Variants in GLIS1 observed in about 807,000 individuals in gnomAD.
The protein encoded by GLIS1 is GLIS family zinc finger 1.
GLIS1 carries 24 observed loss-of-function variants against 63.8 expected under a neutral mutation model. The observed-to-expected ratio is 0.38, with a 90% CI of 0.27 to 0.53. The LOEUF is 0.53. Ranked by LOEUF, GLIS1 falls within the 20% of genes least tolerant of loss-of-function variation. The probability of loss-of-function intolerance (pLI) is 0.85; values close to 1 mark genes in which losing one functional copy is unlikely to be tolerated. For missense variants in GLIS1, 1,036 were observed against 1,074.1 expected, an observed-to-expected ratio of 0.96 and a Z score of 0.50; for synonymous variants, 450 against 482.5, an observed-to-expected ratio of 0.93 and a Z score of 0.88.
At chr1:53,583,771 C>T (rs1645108136) in intron 4 of GLIS1, among the ~76,000 whole-genome samples, 1 of 152,216 alleles carries the variant, frequency 6.6e-6, no homozygotes, top group African/African-American at 2.4e-5. Context: ...GCCTTAATCA[C>T]TTACAGACCA....
At chr1:53,691,347 C>G (rs1646402797) in intron 2 of GLIS1, among the ~76,000 whole-genome samples, 1 of 152,178 alleles carries the variant, frequency 6.6e-6, no homozygotes, top group Non-Finnish European at 1.5e-5. Flanking sequence ...CTCATCATCC[C>G]CCCTCCCACC....
At chr1:53,712,557 C>T (rs1646657005) in intron 2 of GLIS1, among the ~76,000 whole-genome samples, 1 of 152,232 alleles carries the variant, frequency 6.6e-6, no homozygotes, top group African/African-American at 2.4e-5. Context: ...AACAAACAGG[C>T]TCCAAGTCCA....
chr1:53,515,816 T>TA (rs58953406), intron 7 of GLIS1, among the ~76,000 whole-genome samples: 2,271 of 69,172 alleles, frequency 0.033, 132 homozygotes, highest in African/African-American at 0.091. Flanking sequence ...CTATTTTATC[T>TA]AAAAAAAAAA....
chr1:53,707,249 C>T (rs550262369), intron 2 of GLIS1, among the ~76,000 whole-genome samples: 125 of 152,236 alleles, frequency 8.2e-4, no homozygotes, highest in African/African-American at 2.8e-3. Flanking sequence ...GCTCAAGTCC[C>T]GGCTGCCATT....
At chr1:53,545,936 T>C (rs1226145699) in intron 4 of GLIS1, among the ~76,000 whole-genome samples, 1 of 152,214 alleles carries the variant, frequency 6.6e-6, no homozygotes, top group African/African-American at 2.4e-5. Context: ...GCAAAGGGCT[T>C]TCCTCTGGAC....
chr1:53,673,808 G>GCAC (rs1646180825), intron 2 of GLIS1, among the ~76,000 whole-genome samples: 2 of 152,242 alleles, frequency 1.3e-5, no homozygotes, highest in African/African-American at 4.8e-5. Context: ...ACGGTAGGTG[G>GCAC]TGAAGTCCGC....
In GLIS1 at chr1:53,560,475, C is replaced by T. The variant is rs550086651; in HGVS notation, c.1321-30523G>A. 7.9e-5 allele frequency among the ~76,000 whole-genome samples: 12 copies of T among 152,322 alleles called. No individual in the cohort carries two copies. The South Asian group carries it at 1.4e-3, about 18-fold the overall frequency. On this transcript the variant is annotated intron_variant, in intron 4 of 10. Coordinates refer to ENST00000628545, the MANE Select transcript of GLIS1 (RefSeq NM_001367484.1). This position sits in a 1 kb window ranked among gnomAD's most constrained non-coding sequence, Gnocchi z 4.4. ...GGTCGGGAGATATCTGGTCCACACA[C>T]GGAGCAAATATCTGTTTCCCCCTGG...
At chr1:53,661,465 T>A (rs918312277) in intron 2 of GLIS1, among the ~76,000 whole-genome samples, 3 of 151,966 alleles carry the variant, frequency 2.0e-5, no homozygotes, top group African/African-American at 7.3e-5. Context: ...TTAGAAACAA[T>A]CCCCCAACAT....
intron 10 of GLIS1, among the ~76,000 whole-genome samples, chr1:53,507,459 T>G (rs1009994573): frequency 6.6e-6 from 1 of 152,096 alleles, no homozygotes; most frequent in Non-Finnish European, 1.5e-5. Context: ...GGGCCACCGC[T>G]CAGAGGCCCT....
At chr1:53,549,041 G>T (rs1021452251) in intron 4 of GLIS1, among the ~76,000 whole-genome samples, 14 of 152,194 alleles carry the variant, frequency 9.2e-5, no homozygotes, top group Admixed American at 9.2e-4. Context: ...TGCAATCTGT[G>T]GTCTTTAGTG....
Position 53,574,302 on chromosome 1 carries a change from T to TA in GLIS1, c.1320+19805_1320+19806insT, listed in dbSNP as rs1645011228. Among the ~76,000 whole-genome samples, 1 of 152,186 alleles carries TA rather than the reference T, an allele frequency of 6.6e-6. No homozygotes were observed. Among genetic ancestry groups the TA allele is most frequent in the Non-Finnish European group, 1.5e-5 (1 of 68,032 alleles). ...ACCTCAGGTCCCATTCACTGCTCTGTCCCAGAATATGCACCGCTCTGTACC... is the reference window on the plus strand; with the variant it reads ...ACCTCAGGTCCCATTCACTGCTCTGTACCCAGAATATGCACCGCTCTGTACC... On this transcript the variant is annotated intron_variant, in intron 4 of 10. Transcript: ENST00000628545. The surrounding 1 kb of genome is among the most constrained non-coding windows in gnomAD (Gnocchi z 4.2).
intron 2 of GLIS1, among the ~76,000 whole-genome samples, chr1:53,676,191 A>AT (rs1646209957): frequency 6.6e-6 from 1 of 152,078 alleles, no homozygotes; most frequent in African/African-American, 2.4e-5. Flanking sequence ...ACAATTGGGG[A>AT]TACCCCACCC....
At chr1:53,556,518 G>A in intron 4 of GLIS1, among the ~76,000 whole-genome samples, 1 of 145,328 alleles carries the variant, frequency 6.9e-6, no homozygotes, top group South Asian at 2.2e-4. Flanking sequence ...TACTGCAGAT[G>A]TGTGTGCAGG....
chr1:53,559,463 C>G (rs1394939651), intron 4 of GLIS1, among the ~76,000 whole-genome samples: 1 of 152,200 alleles, frequency 6.6e-6, no homozygotes, highest in Admixed American at 6.5e-5. Flanking sequence ...GCCCTCGTGC[C>G]CATCCTTCCG....
chr1:53,601,147 AC>A (rs1234719446), intron 2 of GLIS1, among the ~76,000 whole-genome samples: 1 of 152,080 alleles, frequency 6.6e-6, no homozygotes, highest in African/African-American at 2.4e-5. Flanking sequence ...GGGCTGACAG[AC>A]CTCGATGTGA....
chr1:53,655,278 C>G (rs766898154), intron 2 of GLIS1, among the ~76,000 whole-genome samples: 7 of 152,178 alleles, frequency 4.6e-5, no homozygotes, highest in Non-Finnish European at 1.5e-5. Context: ...CTAAATGTTT[C>G]TTATGCACAC....
chr1:53,594,338 T>A lies in GLIS1; in HGVS notation c.1090A>T (p.Arg364Trp), dbSNP rs755594736. The A allele has an allele frequency of 6.2e-6, 10 of 1,611,658 alleles. No homozygotes were observed. Among genetic ancestry groups the A allele is most frequent in the Non-Finnish European group, 8.5e-6 (10 of 1,179,330 alleles). Residue 364 changes from arginine to tryptophan, a missense_variant, in exon 4 of 11, where the codon AGG (arginine) becomes TGG (tryptophan). Around this residue, in one of 3 missense-constraint regions of GLIS1, gnomAD observed 592 missense variants for 593.9 expected, o/e 1.00. Coordinates refer to ENST00000628545, the MANE Select transcript of GLIS1 (RefSeq NM_001367484.1). ...CACGCCTGCCGCCCGGCCACCACCC[T>A]GCCTGCCAGGCCCAGCCCCAGGCCT... ...LGGLGLGLAG[R>W]VVAGRQACRW...
Position 53,506,754 on chromosome 1 carries a change from G to C in GLIS1, c.2253C>G (p.Ala751=). 2 of 1,611,848 alleles carry C rather than the reference G, an allele frequency of 1.2e-6. No homozygotes were observed. Among genetic ancestry groups the C allele is most frequent in the Non-Finnish European group, 1.7e-6 (2 of 1,179,910 alleles). Residue 751 remains alanine (A), a synonymous_variant, in exon 11 of 11, where the codon GCC becomes GCG. Coordinates refer to ENST00000628545, the MANE Select transcript of GLIS1 (RefSeq NM_001367484.1). ...PATGYEALAE[A]SCPTALPQQP... ...GCTGTGGCAGCGCTGTGGGGCATGA[G>C]GCCTCAGCCAGGGCCTCATAGCCTG...
intron 4 of GLIS1, among the ~76,000 whole-genome samples, chr1:53,546,593 A>G (rs1644701574): frequency 9.9e-6 from 1 of 101,236 alleles, no homozygotes; most frequent in Admixed American, 1.0e-4. Context: ...GAGATGAGAG[A>G]TGGCAGGGCT....
Sources: gnomAD v4.1 joint callset for allele counts (sites outside exome capture counted in the v4.1 genomes callset) on GRCh38, gnomAD v4.1.1 for gene constraint, gnomAD v4.1.1 regional missense constraint, Gnocchi (gnomAD v3.1) non-coding constraint, MANE v1.5 for transcripts, NCBI Gene and HGNC (gene_info 2026-07-23, HGNC 2026-07-21) for gene names.